The following PIR variants were observed in gnomAD, a reference collection of about 807,000 sequenced individuals.
PIR encodes the protein pirin (iron-binding nuclear protein).
A neutral mutation model predicts 24.2 loss-of-function variants in PIR; 22 were observed. The observed-to-expected ratio is 0.91, with a 90% CI of 0.65 to 1.30. The LOEUF (loss-of-function observed/expected upper bound fraction) is 1.30. PIR is among the 50% of genes most tolerant of loss of function. The pLI, the probability that PIR is intolerant of heterozygous loss-of-function variation, is 0.00. For synonymous variants in PIR, 80 were observed against 79.6 expected (o/e 1.00, Z -0.03); for missense variants, 220 against 220.3 (o/e 1.00, Z 0.01).
chrX:15,473,985 T>C (rs1180410700), intron 3 of PIR, among the ~76,000 whole-genome samples: 1 of 112,664 alleles, frequency 8.9e-6, no homozygotes, highest in Non-Finnish European at 1.9e-5. Context: ...ATAACTTTTT[T>C]CTAGGGAATT....
At chrX:15,392,658 A>G in intron 8 of PIR, among the ~76,000 whole-genome samples, 1 of 111,968 alleles carries the variant, frequency 8.9e-6, no homozygotes, top group Non-Finnish European at 1.9e-5. Flanking sequence ...GTCTTGATTT[A>G]CTCCCTACAA....
chrX:15,407,721 C>T (rs1924595536), intron 6 of PIR, 171 bp from the exon 7 acceptor site: 1 of 437,275 alleles, frequency 2.3e-6, no homozygotes, highest in Admixed American at 3.7e-5. Flanking sequence ...TACACTGACA[C>T]TCATTCTCTT....
rs1923136827 is a variant in PIR, at chrX:15,491,194, C to T, written c.64G>A (p.Ala22Thr). 2 of 1,205,382 alleles carry T rather than the reference C, an allele frequency of 1.7e-6. No homozygotes were observed. The highest frequency in any genetic ancestry group is 2.2e-6 in the Non-Finnish European group (2 of 891,996). ...CTGCCAATGCTTCTCCGGACCCTCG[C>T]TCCAACCCCTTCCGACTGCTCCCGG... is the stretch of plus-strand genomic sequence containing the variant. ...LSREQSEGVG[A>T]RVRRSIGRPE... is the part of the protein sequence containing the mutation. The change falls in exon 2 of 10, where the codon GCG (alanine) becomes ACG (threonine). Residue 22 changes from alanine to threonine, a missense_variant. Coordinates refer to ENST00000380420, the MANE Select transcript of PIR (RefSeq NM_001018109.3).
Position 15,397,482 on chromosome X carries a change from A to G in PIR, c.660T>C (p.Leu220=), listed in dbSNP as rs746105148. ...QKIEPHHTAV[L]GEGDSVQVEN... is the part of the protein sequence containing the mutation. ...CCACCTGGACACTGTCACCTTCTCC[A>G]AGCACTGCTGTGTGATGAGGTTCTA... Residue 220 remains leucine, a synonymous_variant, in exon 8 of 10, where the codon CTT becomes CTC. Transcript: ENST00000380420. The G allele has an allele frequency of 4.5e-5, 54 of 1,205,023 alleles. No individual in the cohort carries two copies. The highest frequency in any genetic ancestry group is 6.1e-5 in the Non-Finnish European group (54 of 890,593).
At chrX:15,411,715 G>T (rs1924749246) in intron 6 of PIR, among the ~76,000 whole-genome samples, 3 of 110,957 alleles carry the variant, frequency 2.7e-5, no homozygotes, top group Admixed American at 1.9e-4. Flanking sequence ...GCTTTGGCAG[G>T]TAACTCCTTC....
intron 3 of PIR, among the ~76,000 whole-genome samples, chrX:15,471,480 G>A (rs890767345): frequency 9.0e-6 from 1 of 111,714 alleles, no homozygotes; most frequent in African/African-American, 3.3e-5. Context: ...CTTGGGCTTC[G>A]AAGCTTGGGC....
intron 6 of PIR, among the ~76,000 whole-genome samples, chrX:15,417,567 T>C (rs1924966956): frequency 1.8e-5 from 2 of 111,505 alleles, no homozygotes; most frequent in Middle Eastern, 4.6e-3. Context: ...CTCTAAAACT[T>C]AGTGCTTTAA....
Position 15,454,473 on chromosome X carries a change from T to TA in PIR, c.480+1374dup, listed in dbSNP as rs56248489. 9.7e-3 allele frequency among the ~76,000 whole-genome samples: 860 copies of TA among 88,267 alleles called. 12 individuals carry two copies. Among genetic ancestry groups the TA allele is most frequent in the African/African-American group, 0.03 (710 of 23,748 alleles). 76.6% of individuals were successfully genotyped at this position (88,267 alleles called of 115,157 possible). A position where few individuals can be genotyped will look rare whatever the true frequency, so the allele number is the denominator to read the frequency against. On this transcript the variant is annotated intron_variant, in intron 5 of 9. Transcript: ENST00000380420. ...ATCATATACCTAGGCAGGGTACAGG[T>TA]AAAAAAAAAAAAAACAAAAAAACAA...
intron 5 of PIR, among the ~76,000 whole-genome samples, chrX:15,431,111 C>A (rs1345247582): frequency 8.9e-6 from 1 of 111,765 alleles, no homozygotes; most frequent in East Asian, 2.8e-4. Context: ...GTCAATCTTA[C>A]TATAATATGT....
intron 3 of PIR, among the ~76,000 whole-genome samples, chrX:15,472,742 T>G (rs1921990490): frequency 8.9e-6 from 1 of 112,372 alleles, no homozygotes; most frequent in African/African-American, 3.2e-5. Flanking sequence ...TCAGCAGTGA[T>G]GGTTGTGTAA....
At chrX:15,428,671 T>C (rs961288021) in intron 5 of PIR, among the ~76,000 whole-genome samples, 2 of 111,722 alleles carry the variant, frequency 1.8e-5, no homozygotes, top group African/African-American at 6.5e-5. Context: ...CTCTCTCTCT[T>C]TCTTTTTTAA....
At position 15,469,807 on chromosome X, in the gene PIR, C is replaced by T. The variant is rs775365603; in HGVS notation, c.189+9922G>A. Among the ~76,000 whole-genome samples, 11 of 111,266 alleles carry T rather than the reference C, an allele frequency of 9.9e-5. No individual in the cohort carries two copies. The East Asian group carries it at 2.8e-3, about 29-fold the overall frequency. ...TTGTCCTTAAATAGCCAGGTACAAT[C>T]AACCTAACCCATTTCCTCATTATAC... On this transcript the variant is annotated intron_variant, in intron 3 of 9. Transcript: ENST00000380420.
intron 8 of PIR, among the ~76,000 whole-genome samples, chrX:15,395,875 G>A (rs1468868965): frequency 8.9e-6 from 1 of 112,104 alleles, no homozygotes; most frequent in Non-Finnish European, 1.9e-5. Flanking sequence ...TTACAGAATT[G>A]CACATAACAG....
chrX:15,435,942 C>T (rs1052240416), intron 5 of PIR, among the ~76,000 whole-genome samples: 1 of 112,500 alleles, frequency 8.9e-6, no homozygotes, highest in African/African-American at 3.2e-5. Context: ...TTGTTTTAAA[C>T]AATTCTGATA....
Position 15,456,161 on chromosome X carries a change from C to G in PIR, c.274-107G>C, listed in dbSNP as rs16979914. The G allele has an allele frequency of 9.9e-3, 6,300 of 639,255 alleles. 244 individuals are homozygous for G. The African/African-American group carries it at 0.11, about 11-fold the overall frequency. The allele number at this position is 639,255 out of a possible 1,213,427, so 52.7% of individuals were successfully genotyped here. A position where few individuals can be genotyped will look rare whatever the true frequency, so the allele number is the denominator to read the frequency against. On this transcript the variant is annotated intron_variant, in intron 4 of 9. Coordinates refer to ENST00000380420, the MANE Select transcript of PIR (RefSeq NM_001018109.3). ...TAAGTGAGACATCTTACCAGTGCTG[C>G]TATCAGAGCCCCTGGGCATCGAGGG...
At chrX:15,481,852 C>T (rs1473985496) in intron 2 of PIR, among the ~76,000 whole-genome samples, 1 of 111,657 alleles carries the variant, frequency 9.0e-6, no homozygotes, top group African/African-American at 3.3e-5. Flanking sequence ...GGATTAAAGC[C>T]GTGGCAGACT....
At chrX:15,408,571 A>AT (rs1357852181) in intron 6 of PIR, among the ~76,000 whole-genome samples, 4 of 111,800 alleles carry the variant, frequency 3.6e-5, no homozygotes. Context: ...CCAACACTTG[A>AT]TTTTCATAGA....
chrX:15,398,708 G>GTA (rs1924274387), intron 7 of PIR, among the ~76,000 whole-genome samples: 1 of 70,095 alleles, frequency 1.4e-5, no homozygotes, highest in African/African-American at 4.3e-5. Context: ...GTGTGTGTGT[G>GTA]TGAAATTACC....
intron 3 of PIR, among the ~76,000 whole-genome samples, chrX:15,477,909 T>C (rs752797919): frequency 9.0e-6 from 1 of 111,158 alleles, no homozygotes; most frequent in South Asian, 3.8e-4. Context: ...TAATTACAGT[T>C]ACAGTTTTAA....
Sources: gnomAD v4.1 joint callset for allele counts (sites outside exome capture counted in the v4.1 genomes callset) on GRCh38, gnomAD v4.1.1 for gene constraint, MANE v1.5 for transcripts, NCBI Gene and HGNC (gene_info 2026-07-23, HGNC 2026-07-21) for gene names.